The following DCDC2B variants were observed in gnomAD, a reference collection of about 807,000 sequenced individuals.
The protein encoded by DCDC2B is doublecortin domain-containing protein 2B.
A neutral mutation model predicts 38.9 loss-of-function variants in DCDC2B; 41 were observed. That is an observed-to-expected ratio of 1.05 (90% confidence interval 0.82 to 1.37). The LOEUF (loss-of-function observed/expected upper bound fraction) is 1.37. Among genes scored for constraint, DCDC2B ranks in the 40% most tolerant of loss-of-function variants. DCDC2B has a pLI of 0.00. For missense variants in DCDC2B, 453 were observed against 427.2 expected (o/e 1.06, Z -0.53); for synonymous variants, 181 against 171.9 (o/e 1.05, Z -0.41).
At chr1:32,215,667 T>C in intron 8 of DCDC2B, 124 bp downstream of exon 8, 6 of 1,114,650 alleles carry the variant, frequency 5.4e-6, no homozygotes, top group Non-Finnish European at 7.7e-6. Context: ...TCTCCTAACT[T>C]CCTACCTTGT....
rs775670535 is a variant in DCDC2B, at chr1:32,209,137, G to A, written c.44G>A (p.Arg15Gln). 1.8e-5 allele frequency: 29 copies of A among 1,613,776 alleles called. No homozygotes were observed. The Middle Eastern group carries it at 8.2e-4, about 46-fold the overall frequency. Residue 15 changes from arginine to glutamine, a missense_variant, in exon 1 of 9, where the codon CGG becomes CAG. Coordinates refer to ENST00000409358, the MANE Select transcript of DCDC2B (RefSeq NM_001099434.2). ...SPAAKRVVVYRNGDPFFPGSQ... is the reference protein window; with the variant it reads ...SPAAKRVVVYQNGDPFFPGSQ... ...GCAGCCAAGAGGGTAGTGGTGTACC[G>A]GAATGGGGACCCATTCTTCCCAGGC...
In DCDC2B at chr1:32,212,002, G is replaced by A. The variant is rs914484157; in HGVS notation, c.396-68G>A. ...CAGTGTTATGGTTATTGCTGGCCCTGTGCCACCCTTCCCCTCACATGTAGG... is the reference window on the plus strand; with the variant it reads ...CAGTGTTATGGTTATTGCTGGCCCTATGCCACCCTTCCCCTCACATGTAGG... On this transcript the variant is annotated intron_variant, in intron 3 of 8. Transcript: ENST00000409358. The A allele has an allele frequency of 1.0e-5, 16 of 1,576,480 alleles. No homozygotes were observed. The South Asian group carries it at 1.7e-4, about 17-fold the overall frequency.
At chr1:32,213,742 C>A (rs1038963332) in intron 6 of DCDC2B, among the ~76,000 whole-genome samples, 6 of 151,516 alleles carry the variant, frequency 4.0e-5, no homozygotes, top group Non-Finnish European at 8.8e-5. Flanking sequence ...GATCTCCTGA[C>A]CTCGTGATCA....
chr1:32,211,383 C>T (rs966946267), intron 2 of DCDC2B, 60 bp downstream of exon 2: 1 of 1,587,348 alleles, frequency 6.3e-7, no homozygotes, highest in South Asian at 1.1e-5. Flanking sequence ...CTGGAACTGC[C>T]CCCAATTTGG....
intron 2 of DCDC2B, 47 bp from the exon 3 acceptor site, chr1:32,211,714 C>A: frequency 6.4e-7 from 1 of 1,559,474 alleles, no homozygotes; most frequent in Non-Finnish European, 8.7e-7. Context: ...CCACCCCTAA[C>A]CAAAGGCCCC....
chr1:32,215,942 A>G lies in DCDC2B; in HGVS notation c.*45A>G. ...GCAACTGGGGACCACTACTCTGGCC[A>G]CCTTTTGTCCTTAGCCTCCAGCAGC... is the stretch of plus-strand genomic sequence containing the variant. On this transcript the variant is annotated 3_prime_UTR_variant, in exon 9 of 9. Transcript: ENST00000409358. 6.8e-7 allele frequency: 1 copy of G among 1,468,684 alleles called. No individual in the cohort carries two copies. Among genetic ancestry groups the G allele is most frequent in the South Asian group, 1.2e-5 (1 of 82,192 alleles). 91.0% of individuals were successfully genotyped at this position (1,468,684 alleles called of 1,614,324 possible). A position where few individuals can be genotyped will look rare whatever the true frequency, so the allele number is the denominator to read the frequency against.
rs536242079 is a variant in DCDC2B, at chr1:32,213,628, C to T, written c.714+835C>T. ...GGTTCATGCCATTCTCCTGCCTCAG[C>T]CTCCCGAGCAGCTGGGACTACAGGC... On this transcript the variant is annotated intron_variant, in intron 6 of 8. Transcript: ENST00000409358. Among the ~76,000 whole-genome samples, 282 of 151,886 alleles carry T rather than the reference C, an allele frequency of 1.9e-3. 1 individual carries two copies. The highest frequency in any genetic ancestry group is 6.3e-3 in the African/African-American group (260 of 41,388).
chr1:32,211,921 C>T, intron 3 of DCDC2B, 84 bp downstream of exon 3: 1 of 1,543,776 alleles, frequency 6.5e-7, no homozygotes, highest in Non-Finnish European at 8.8e-7. Context: ...TTCTAGGAGC[C>T]TCTGGTTACT....
chr1:32,210,473 G>T (rs1278755895), intron 1 of DCDC2B, among the ~76,000 whole-genome samples: 1 of 151,714 alleles, frequency 6.6e-6, no homozygotes, highest in East Asian at 1.9e-4. Context: ...ACTCCAGCCT[G>T]GGGGACAGAG....
chr1:32,214,813 C>T lies in DCDC2B; in HGVS notation c.731C>T (p.Ala244Val), dbSNP rs559280252. The T allele has an allele frequency of 8.7e-6, 14 of 1,613,954 alleles. No homozygotes were observed. The African/African-American group carries it at 1.5e-4, about 17-fold the overall frequency. Reference protein sequence around the residue: ...PHRQGAQGHRAQVTQPSPKEP... With the variant: ...PHRQGAQGHRVQVTQPSPKEP... ...CTTCTCTAGGCCCAAGGCCACAGGGCCCAGGTAACCCAGCCCTCTCCAAAG... is the reference window on the plus strand; with the variant it reads ...CTTCTCTAGGCCCAAGGCCACAGGGTCCAGGTAACCCAGCCCTCTCCAAAG... Residue 244 changes from alanine to valine, a missense_variant, in exon 7 of 9, where the codon GCC becomes GTC. Transcript: ENST00000409358.
rs4012160 is a variant in DCDC2B, at chr1:32,213,503, ATTTTTT to A, written c.714+728_714+733del. ...AGGTATGTGCCACCACACCCGGCTA[ATTTTTT>A]TTTTTTTTTTTTTTTTTGAGATGGA... On this transcript the variant is annotated intron_variant, in intron 6 of 8. Transcript: ENST00000409358. Among the ~76,000 whole-genome samples, 8 of 116,592 alleles carry A rather than the reference ATTTTTT, an allele frequency of 6.9e-5. No individual in the cohort carries two copies. The East Asian group carries it at 9.5e-4, about 14-fold the overall frequency. The allele number at this position is 116,592 out of a possible 152,430, so 76.5% of individuals were successfully genotyped here.
intron 8 of DCDC2B, 40 bp downstream of exon 8, chr1:32,215,583 G>C (rs1023527246): frequency 6.3e-7 from 1 of 1,587,762 alleles, no homozygotes. Context: ...TGGGGTGGGA[G>C]GAGCTCTGAG....
Position 32,211,653 on chromosome 1 carries a change from CT to C in DCDC2B, c.319-106del, listed in dbSNP as rs1643589994. 3 of 1,149,352 alleles carry C rather than the reference CT, an allele frequency of 2.6e-6. No homozygotes were observed. In the East Asian group the frequency reaches 7.7e-5, roughly 30 times the overall value. The allele number at this position is 1,149,352 out of a possible 1,614,324, so 71.2% of individuals were successfully genotyped here. On this transcript the variant is annotated intron_variant, in intron 2 of 8. Coordinates refer to ENST00000409358, the MANE Select transcript of DCDC2B (RefSeq NM_001099434.2). ...AAACTGTCTTACTCCTCCTCGCCCC[CT>C]TCCTGCCCCAGTCTGGTTCCGGCCC...
intron 6 of DCDC2B, 144 bp from the exon 7 acceptor site, chr1:32,214,653 G>A: frequency 8.4e-7 from 1 of 1,196,088 alleles, no homozygotes; most frequent in South Asian, 1.6e-5. Context: ...GCAGCAAGGA[G>A]GGAGGACGTA....
intron 6 of DCDC2B, among the ~76,000 whole-genome samples, chr1:32,213,594 C>T (rs553676671): frequency 1.9e-4 from 28 of 150,834 alleles, no homozygotes; most frequent in Middle Eastern, 3.4e-3. Flanking sequence ...CTGCCAGCTC[C>T]GCCTCCCGGG....
chr1:32,209,836 T>G (rs1643507070), intron 1 of DCDC2B, among the ~76,000 whole-genome samples: 1 of 152,170 alleles, frequency 6.6e-6, no homozygotes, highest in Admixed American at 6.5e-5. Context: ...CTGACTCATG[T>G]CTGGCTTCCA....
intron 8 of DCDC2B, 123 bp downstream of exon 8, chr1:32,215,666 T>A: frequency 2.2e-5 from 25 of 1,118,502 alleles, no homozygotes; most frequent in Non-Finnish European, 3.1e-5. Flanking sequence ...ATCTCCTAAC[T>A]TCCTACCTTG....
In DCDC2B at chr1:32,211,801, G is replaced by C; in HGVS notation, c.359G>C (p.Gly120Ala). Residue 120 changes from glycine (G) to alanine (A), a missense_variant, in exon 3 of 9, where the codon GGA becomes GCA. Transcript: ENST00000409358. ...VTRHLCDGAI[G>A]RQLPAGAPSY... The stretch of plus-strand genomic sequence containing the variant: ...CGCCACTTGTGTGATGGGGCCATTG[G>C]ACGGCAGCTGCCTGCAGGTGCTCCC... 3.1e-6 allele frequency: 5 copies of C among 1,610,964 alleles called. No individual in the cohort carries two copies. The highest frequency in any genetic ancestry group is 4.2e-6 in the Non-Finnish European group (5 of 1,178,714).
chr1:32,211,753 G>C lies in DCDC2B; in HGVS notation c.319-8G>C. 6.2e-7 allele frequency: 1 copy of C among 1,602,518 alleles called. No individual in the cohort carries two copies. The highest frequency in any genetic ancestry group is 8.5e-7 in the Non-Finnish European group (1 of 1,174,820). The stretch of plus-strand genomic sequence containing the variant: ...TCTCCTGATTTGGAGGCCTGACATG[G>C]GTTTCAGGGTCCTCCCGTGACTCGC... On this transcript the variant is annotated splice_region_variant and splice_polypyrimidine_tract_variant and intron_variant, in intron 2 of 8. Transcript: ENST00000409358.
Sources: allele counts gnomAD v4.1 joint callset (sites outside exome capture counted in the v4.1 genomes callset), GRCh38; gene constraint gnomAD v4.1.1; transcripts MANE v1.5; gene names NCBI Gene and HGNC (gene_info 2026-07-23, HGNC 2026-07-21).